Variants in DIAPH3 observed in about 807,000 individuals in gnomAD.
DIAPH3 encodes the protein diaphanous related formin 3.
Under a neutral mutation model 144.3 loss-of-function variants are expected in DIAPH3, and 117 were observed. The observed-to-expected ratio is 0.81, with a 90% CI of 0.70 to 0.95. DIAPH3 has a LOEUF of 0.95. Among genes scored for constraint, DIAPH3 ranks in the 40% least tolerant of loss-of-function variants. The pLI is 0.00. For synonymous variants in DIAPH3, 519 were observed against 488.9 expected, an observed-to-expected ratio of 1.06 and a Z score of -0.81; for missense variants, 1,421 against 1,412.7, an observed-to-expected ratio of 1.01 and a Z score of -0.09.
At chr13:60,047,803 T>TA (rs1269708602) in intron 4 of DIAPH3, among the ~76,000 whole-genome samples, 1 of 152,154 alleles carries the variant, frequency 6.6e-6, no homozygotes, top group African/African-American at 2.4e-5. Context: ...CTTATTAAAT[T>TA]AGTTTCAGTA....
intron 20 of DIAPH3, among the ~76,000 whole-genome samples, chr13:59,904,002 T>C (rs1462535909): frequency 2.0e-5 from 3 of 152,232 alleles, no homozygotes; most frequent in Non-Finnish European, 4.4e-5. Flanking sequence ...ACAAGCCATT[T>C]AGAGATATGC....
At chr13:59,684,922 G>C (rs913206648) in intron 27 of DIAPH3, among the ~76,000 whole-genome samples, 3 of 152,180 alleles carry the variant, frequency 2.0e-5, no homozygotes, top group Admixed American at 2.0e-4. Context: ...AATTTGCTGG[G>C]GATAAGGTGG....
intron 22 of DIAPH3, among the ~76,000 whole-genome samples, chr13:59,857,332 G>C (rs2043314269): frequency 6.6e-6 from 1 of 152,086 alleles, no homozygotes; most frequent in African/African-American, 2.4e-5. Context: ...ATCATAAAAT[G>C]ATGGAAACGC....
intron 11 of DIAPH3, 108 bp from the exon 12 acceptor site, chr13:59,991,382 T>G: frequency 1.3e-6 from 1 of 783,866 alleles, no homozygotes; most frequent in Non-Finnish European, 2.2e-6. Context: ...TACAGGCATC[T>G]TATATATTCA....
chr13:59,880,803 A>G (rs2044972238), intron 20 of DIAPH3, among the ~76,000 whole-genome samples: 1 of 151,954 alleles, frequency 6.6e-6, no homozygotes, highest in Admixed American at 6.6e-5. Context: ...TCTAATTTAT[A>G]CTTAGCTTTC....
At chr13:59,688,900 A>G (rs955876901) in intron 27 of DIAPH3, among the ~76,000 whole-genome samples, 1 of 152,108 alleles carries the variant, frequency 6.6e-6, no homozygotes, top group South Asian at 2.1e-4. Context: ...AACTCACATA[A>G]CATGGGTTAA....
chr13:59,907,717 G>A (rs1213217264), intron 20 of DIAPH3, among the ~76,000 whole-genome samples: 2 of 152,208 alleles, frequency 1.3e-5, no homozygotes, highest in Non-Finnish European at 2.9e-5. Context: ...AAGGAGATCA[G>A]TTCAAGAAGG....
intron 7 of DIAPH3, chr13:60,013,037 T>C: frequency 4.1e-6 from 4 of 985,386 alleles, no homozygotes; most frequent in Non-Finnish European, 4.8e-6. Context: ...GTGTGAGAAG[T>C]TGTCAACTTA....
At chr13:59,958,455 G>C (rs1343597029) in intron 17 of DIAPH3, among the ~76,000 whole-genome samples, 1 of 152,040 alleles carries the variant, frequency 6.6e-6, no homozygotes, top group East Asian at 1.9e-4. Flanking sequence ...TCTTTTAAAA[G>C]TTAATAATGT....
chr13:59,706,372 C>T (rs2034428833), intron 27 of DIAPH3, among the ~76,000 whole-genome samples: 1 of 152,096 alleles, frequency 6.6e-6, no homozygotes, highest in Non-Finnish European at 1.5e-5. Flanking sequence ...CTTGAGAACA[C>T]ATATAATACC....
chr13:60,075,801 C>T (rs892018931), intron 4 of DIAPH3, among the ~76,000 whole-genome samples: 1 of 152,174 alleles, frequency 6.6e-6, no homozygotes, highest in Admixed American at 6.5e-5. Context: ...GAAACAGATG[C>T]AGAAAACTGC....
intron 4 of DIAPH3, among the ~76,000 whole-genome samples, chr13:60,090,174 TACC>T (rs2057883411): frequency 6.6e-6 from 1 of 152,194 alleles, no homozygotes; most frequent in African/African-American, 2.4e-5. Flanking sequence ...CACCAGAGTG[TACC>T]GGACAAACCT....
chr13:60,046,128 A>G lies in DIAPH3; in HGVS notation c.496-3308T>C, dbSNP rs77576201. Among the ~76,000 whole-genome samples the G allele has an allele frequency of 1.9e-3, 284 of 152,296 alleles. 1 individual carries two copies. The highest frequency in any genetic ancestry group is 6.5e-3 in the African/African-American group (271 of 41,572). On this transcript the variant is annotated intron_variant, in intron 4 of 27. Transcript: ENST00000400324. The stretch of plus-strand genomic sequence containing the variant: ...TCCTGAATAGCAATAGGTAAACTCA[A>G]TTGAACCAAAAGATGCCATTCCATG...
intron 4 of DIAPH3, among the ~76,000 whole-genome samples, chr13:60,046,894 T>G (rs1231921466): frequency 6.6e-6 from 1 of 151,870 alleles, no homozygotes; most frequent in Non-Finnish European, 1.5e-5. Flanking sequence ...AAACACCACA[T>G]GTTCTCACTC....
intron 4 of DIAPH3, among the ~76,000 whole-genome samples, chr13:60,066,114 G>A (rs1192184406): frequency 1.3e-5 from 2 of 151,952 alleles, no homozygotes; most frequent in African/African-American, 2.4e-5. Context: ...TGAATCATAA[G>A]CAATAAGCCA....
intron 20 of DIAPH3, among the ~76,000 whole-genome samples, chr13:59,911,013 T>C (rs749316060): frequency 6.6e-6 from 1 of 151,666 alleles, no homozygotes; most frequent in Admixed American, 6.6e-5. Flanking sequence ...AGATTATTAA[T>C]ATAACTGAAG....
chr13:59,900,119 A>G (rs1269655691), intron 20 of DIAPH3, among the ~76,000 whole-genome samples: 1 of 152,168 alleles, frequency 6.6e-6, no homozygotes, highest in African/African-American at 2.4e-5. Flanking sequence ...TTTTCCCTGT[A>G]ATGGCAGGAT....
chr13:59,981,591 T>C (rs1206636249), intron 13 of DIAPH3, among the ~76,000 whole-genome samples: 1 of 151,104 alleles, frequency 6.6e-6, no homozygotes, highest in Non-Finnish European at 1.5e-5. Flanking sequence ...ATATACATGA[T>C]AGAATACAAT....
intron 25 of DIAPH3, among the ~76,000 whole-genome samples, chr13:59,791,739 G>A (rs1184098441): frequency 1.3e-5 from 2 of 152,164 alleles, no homozygotes; most frequent in African/African-American, 4.8e-5. Flanking sequence ...GCACAAGCTC[G>A]TTTCCCCAAA....
Sources: allele counts gnomAD v4.1 joint callset (sites outside exome capture counted in the v4.1 genomes callset), GRCh38; gene constraint gnomAD v4.1.1; transcripts MANE v1.5; gene names NCBI Gene and HGNC (gene_info 2026-07-23, HGNC 2026-07-21).